SEMA6A: variants seen among roughly 807,000 people sequenced by gnomAD.
SEMA6A encodes semaphorin 6A, also known as semaphorin-6A.
Under a neutral mutation model 96.8 loss-of-function variants are expected in SEMA6A, and 25 were observed. The ratio of observed to expected loss-of-function variants is 0.26; its 90% confidence interval spans 0.19 to 0.36. The LOEUF is 0.36. Ranked by LOEUF, SEMA6A falls within the 10% of genes least tolerant of loss-of-function variation. The pLI, the probability that SEMA6A is intolerant of heterozygous loss-of-function variation, is 1.00. For synonymous variants in SEMA6A, 612 were observed against 518.0 expected, an observed-to-expected ratio of 1.18 and a Z score of -2.46; for missense variants, 1,363 against 1,323.1, an observed-to-expected ratio of 1.03 and a Z score of -0.47.
intron 1 of SEMA6A, among the ~76,000 whole-genome samples, chr5:116,567,938 C>T (rs567577869): frequency 6.6e-6 from 1 of 152,272 alleles, no homozygotes; most frequent in East Asian, 1.9e-4. Context: ...TATGACCTTG[C>T]CTGATTTAAT....
intron 1 of SEMA6A, among the ~76,000 whole-genome samples, chr5:116,539,227 C>T (rs566299285): frequency 1.3e-5 from 2 of 152,282 alleles, no homozygotes; most frequent in African/African-American, 4.8e-5. Flanking sequence ...AAGCTTTATA[C>T]GGTGGTCCTG....
In SEMA6A at chr5:116,478,137, A is replaced by G. The variant is rs780623628; in HGVS notation, c.1445T>C (p.Val482Ala). 1 of 1,613,370 alleles carries G rather than the reference A, an allele frequency of 6.2e-7. No homozygotes were observed. Among genetic ancestry groups the G allele is most frequent in the Admixed American group, 1.7e-5 (1 of 59,912 alleles). The part of the protein sequence containing the change: ...YNSEKCSYDG[V>A]EDKRIMGMQL... ...CATGCCCATGATCCTTTTGTCTTCGACTCCATCATAGCTGCATCTAATTTC... is the reference window on the plus strand; with the variant it reads ...CATGCCCATGATCCTTTTGTCTTCGGCTCCATCATAGCTGCATCTAATTTC... The change falls in exon 14 of 19, where the codon GTC becomes GCC. Residue 482 changes from valine to alanine, a missense_variant. By Grantham distance (64) the Val-to-Ala change is moderately conservative (BLOSUM62 0). Around this residue, in one of 2 missense-constraint regions of SEMA6A, gnomAD observed 883 missense variants for 763.6 expected, o/e 1.16. Coordinates refer to ENST00000343348, the MANE Select transcript of SEMA6A (RefSeq NM_020796.5).
chr5:116,559,050 G>T (rs1045824865), intron 1 of SEMA6A, among the ~76,000 whole-genome samples: 28 of 152,220 alleles, frequency 1.8e-4, no homozygotes, highest in African/African-American at 6.5e-4. Context: ...TGGTCCTCCT[G>T]CCCATTTTTA....
intron 1 of SEMA6A, among the ~76,000 whole-genome samples, chr5:116,526,780 C>T (rs1360766121): frequency 1.3e-5 from 2 of 152,090 alleles, no homozygotes; most frequent in African/African-American, 2.4e-5. Flanking sequence ...GCCCAGGTAA[C>T]GCACATCAGA....
At position 116,446,797 on chromosome 5, in the gene SEMA6A, T is replaced by G. The variant is rs200578077; in HGVS notation, c.2909A>C (p.Gln970Pro). Residue 970 changes from glutamine (Q) to proline (P), a missense_variant, in exon 19 of 19, where the codon CAG becomes CCG. By Grantham distance (76) the Gln-to-Pro change is moderately conservative. Transcript: ENST00000343348. The stretch of plus-strand genomic sequence containing the variant: ...GCCAGATGGCTGGGAGCTGTGCACC[T>G]GGATGGAGTCCACCCTCTGCGGGGC... ...PPAPQRVDSI[Q>P]VHSSQPSGQA... The G allele has an allele frequency of 5.7e-3, 9,240 of 1,613,124 alleles. 32 individuals are homozygous for G. Among genetic ancestry groups the G allele is most frequent in the Non-Finnish European group, 6.7e-3 (7,928 of 1,179,472 alleles).
At chr5:116,493,956 C>T (rs1757455961) in intron 6 of SEMA6A, among the ~76,000 whole-genome samples, 1 of 152,124 alleles carries the variant, frequency 6.6e-6, no homozygotes, top group African/African-American at 2.4e-5. Context: ...ACTCCCCCAA[C>T]CCCCAACCCC....
chr5:116,490,903 T>C (rs1757296244), intron 7 of SEMA6A, among the ~76,000 whole-genome samples: 1 of 152,224 alleles, frequency 6.6e-6, no homozygotes, highest in Non-Finnish European at 1.5e-5. Flanking sequence ...AATTCCTAAA[T>C]AAATTTCTAA....
chr5:116,466,477 C>T (rs1001595126), intron 18 of SEMA6A, among the ~76,000 whole-genome samples: 6 of 151,422 alleles, frequency 4.0e-5, no homozygotes, highest in African/African-American at 1.5e-4. Flanking sequence ...AAGAACAAGA[C>T]AAAAGGGGCT....
chr5:116,532,736 A>ACT (rs1759539923), intron 1 of SEMA6A, among the ~76,000 whole-genome samples: 2 of 152,128 alleles, frequency 1.3e-5, no homozygotes, highest in African/African-American at 4.8e-5. Context: ...ATGAATCAGT[A>ACT]AAGACTTATC....
chr5:116,515,622 T>A (rs1332419256), intron 1 of SEMA6A, among the ~76,000 whole-genome samples: 1 of 152,150 alleles, frequency 6.6e-6, no homozygotes, highest in African/African-American at 2.4e-5. Flanking sequence ...TTAGAGGATT[T>A]AAACTAAAAT....
intron 5 of SEMA6A, 59 bp downstream of exon 5, chr5:116,496,192 G>A: frequency 1.5e-6 from 2 of 1,370,422 alleles, no homozygotes; most frequent in Non-Finnish European, 2.1e-6. Context: ...TATGGCTGGA[G>A]ATAACAGTCA....
rs763274565 is a variant in SEMA6A at position 116,447,460 on chromosome 5, T to C, written c.2246A>G (p.His749Arg). Residue 749 changes from histidine to arginine, a missense_variant, in exon 19 of 19, where the codon CAC (histidine) becomes CGC (arginine). Around this residue, in one of 2 missense-constraint regions of SEMA6A, gnomAD observed 883 missense variants for 763.6 expected, o/e 1.16. Transcript: ENST00000343348. ...GGTGGGGAGGGCCGTCAGGTCCAGG[T>C]GGTGCTGGTCTGCTTTAATGAGCAT... ...AKMLIKADQH[H>R]LDLTALPTPE... is the part of the protein sequence containing the mutation. The C allele has an allele frequency of 7.4e-6, 12 of 1,613,892 alleles. No individual in the cohort carries two copies. The Admixed American group carries it at 8.3e-5, about 11-fold the overall frequency.
At chr5:116,495,755 A>T in intron 5 of SEMA6A, 1 of 442,302 alleles carries the variant, frequency 2.3e-6, no homozygotes, top group South Asian at 2.9e-5. Context: ...TTTATGTCAC[A>T]AAAGGAAGGC....
At chr5:116,544,654 G>C (rs374547105) in intron 1 of SEMA6A, among the ~76,000 whole-genome samples, 28 of 152,236 alleles carry the variant, frequency 1.8e-4, no homozygotes, top group African/African-American at 4.8e-4. Flanking sequence ...TGTGATTACT[G>C]TGATATCACC....
intron 12 of SEMA6A, among the ~76,000 whole-genome samples, chr5:116,479,608 A>T (rs566599487): frequency 1.3e-5 from 2 of 152,186 alleles, no homozygotes; most frequent in Admixed American, 6.5e-5. Flanking sequence ...GTTTTTTAAT[A>T]CTACCACAGA....
chr5:116,470,209 T>A (rs1431694482), intron 17 of SEMA6A, among the ~76,000 whole-genome samples: 1 of 152,108 alleles, frequency 6.6e-6, no homozygotes, highest in Non-Finnish European at 1.5e-5. Flanking sequence ...AAAAAAAAAT[T>A]ACAAGGAAAC....
intron 1 of SEMA6A, among the ~76,000 whole-genome samples, chr5:116,548,621 A>T (rs564949191): frequency 7.9e-5 from 12 of 152,298 alleles, no homozygotes; most frequent in African/African-American, 1.9e-4. Context: ...GTTTTAAGAT[A>T]TGTTTCCAAA....
At chr5:116,542,091 G>T (rs982894290) in intron 1 of SEMA6A, among the ~76,000 whole-genome samples, 1 of 152,144 alleles carries the variant, frequency 6.6e-6, no homozygotes, top group Non-Finnish European at 1.5e-5. Context: ...CAGGCATTTT[G>T]TCTCTTTGTA....
At chr5:116,484,371 T>C (rs1022285210) in intron 10 of SEMA6A, among the ~76,000 whole-genome samples, 1 of 152,182 alleles carries the variant, frequency 6.6e-6, no homozygotes, top group African/African-American at 2.4e-5. Flanking sequence ...CTTTCTTTCC[T>C]TTCAATTTTC....
Sources: allele counts gnomAD v4.1 joint callset (sites outside exome capture counted in the v4.1 genomes callset), GRCh38; gene constraint gnomAD v4.1.1; regional missense constraint gnomAD v4.1.1; transcripts MANE v1.5; gene names NCBI Gene and HGNC (gene_info 2026-07-23, HGNC 2026-07-21).